Variants in AUTS2 observed in about 807,000 individuals in gnomAD.
AUTS2 encodes the protein autism susceptibility gene 2 protein.
In AUTS2, 17 loss-of-function variants were observed where a neutral mutation model predicts 112.4. The ratio of observed to expected loss-of-function variants is 0.15; its 90% CI spans 0.10 to 0.23. The LOEUF (loss-of-function observed/expected upper bound fraction) is 0.23, where lower values mean the gene tolerates loss of function less well. AUTS2 is among the 10% of genes least tolerant of loss of function. The probability of loss-of-function intolerance (pLI) is 1.00; values close to 1 mark genes in which losing one functional copy is unlikely to be tolerated. For synonymous variants in AUTS2, 751 were observed against 702.7 expected (o/e 1.07, Z -1.09); for missense variants, 1,510 against 1,701.6 (o/e 0.89, Z 1.98).
At chr7:70,135,201 A>C (rs1806487510) in intron 4 of AUTS2, among the ~76,000 whole-genome samples, 1 of 152,218 alleles carries the variant, frequency 6.6e-6, no homozygotes, top group African/African-American at 2.4e-5. Flanking sequence ...ATAATCATGA[A>C]TATAAAATTC....
intron 5 of AUTS2, among the ~76,000 whole-genome samples, chr7:70,592,279 C>T (rs528875123): frequency 1.3e-5 from 2 of 152,264 alleles, no homozygotes; most frequent in Admixed American, 6.5e-5. Context: ...GAGTTCGGAG[C>T]CAAACTGCCC....
intron 5 of AUTS2, among the ~76,000 whole-genome samples, chr7:70,472,997 G>A (rs1372418580): frequency 2.0e-5 from 3 of 152,190 alleles, no homozygotes; most frequent in Non-Finnish European, 4.4e-5. Context: ...AGGCTCTGTA[G>A]CTGTTAAGTT....
In AUTS2 at chr7:69,899,516, C is replaced by G. The variant is rs200298443; in HGVS notation, c.522+18C>G. Reference sequence around the variant, plus strand: ...TCAGACAGGTGAGGAAGCTTGGGTTCGCTCTTTCCTGTGGCGGCAAAATCC... The same window carrying G: ...TCAGACAGGTGAGGAAGCTTGGGTTGGCTCTTTCCTGTGGCGGCAAAATCC... On this transcript the variant is annotated intron_variant, in intron 2 of 18. Transcript: ENST00000342771. 1.2e-6 allele frequency: 2 copies of G among 1,612,636 alleles called. No individual in the cohort carries two copies. Among genetic ancestry groups the G allele is most frequent in the African/African-American group, 2.7e-5 (2 of 74,998 alleles).
chr7:70,782,042 GT>G (rs1791122950), intron 15 of AUTS2: 1 of 372,728 alleles, frequency 2.7e-6, no homozygotes, highest in South Asian at 4.1e-5. Flanking sequence ...TCACAAGCAT[GT>G]CAGTTGCTAT....
At chr7:70,164,242 T>C (rs922882737) in intron 4 of AUTS2, among the ~76,000 whole-genome samples, 1 of 152,234 alleles carries the variant, frequency 6.6e-6, no homozygotes, top group Non-Finnish European at 1.5e-5. Context: ...TTGTTATAAG[T>C]AGATGTAATT....
intron 5 of AUTS2, among the ~76,000 whole-genome samples, chr7:70,604,495 G>A (rs1317336687): frequency 2.0e-5 from 3 of 152,226 alleles, no homozygotes; most frequent in African/African-American, 2.4e-5. Context: ...TCAACATGCT[G>A]TTGAAAATGG....
At chr7:70,159,836 G>A (rs955006736) in intron 4 of AUTS2, among the ~76,000 whole-genome samples, 2 of 152,106 alleles carry the variant, frequency 1.3e-5, no homozygotes, top group African/African-American at 4.8e-5. Context: ...TCTATCTGAT[G>A]AGGACCTTAG....
intron 1 of AUTS2, among the ~76,000 whole-genome samples, chr7:69,691,779 C>T (rs1025563904): frequency 6.6e-6 from 1 of 152,154 alleles, no homozygotes; most frequent in Non-Finnish European, 1.5e-5. Flanking sequence ...CTGTGCCTCC[C>T]CTGCTGCAGC....
chr7:70,046,099 A>G (rs1801493344), intron 2 of AUTS2, among the ~76,000 whole-genome samples: 1 of 152,210 alleles, frequency 6.6e-6, no homozygotes, highest in African/African-American at 2.4e-5. Flanking sequence ...AGATGAAATT[A>G]TTGCCTCAAG....
chr7:69,793,041 CT>C (rs1447865178), intron 1 of AUTS2, among the ~76,000 whole-genome samples: 2 of 152,224 alleles, frequency 1.3e-5, no homozygotes, highest in East Asian at 3.9e-4. Flanking sequence ...TTCAGTATAT[CT>C]TTCACAAAAA....
chr7:69,796,492 C>T (rs1789846518), intron 1 of AUTS2, among the ~76,000 whole-genome samples: 1 of 150,360 alleles, frequency 6.7e-6, no homozygotes. Flanking sequence ...CACTTCACTC[C>T]AGCCTAGGCG....
chr7:69,907,572 A>G (rs981137826), intron 2 of AUTS2, among the ~76,000 whole-genome samples: 28 of 152,192 alleles, frequency 1.8e-4, no homozygotes, highest in Non-Finnish European at 2.9e-5. Context: ...ATTTGTTATT[A>G]TATTGCATTG....
At chr7:69,660,057 G>C (rs1795725051) in intron 1 of AUTS2, among the ~76,000 whole-genome samples, 1 of 152,230 alleles carries the variant, frequency 6.6e-6, no homozygotes, top group Non-Finnish European at 1.5e-5. Flanking sequence ...GCCGTTGGTA[G>C]TATGTGCCCC....
intron 4 of AUTS2, among the ~76,000 whole-genome samples, chr7:70,386,151 C>T (rs566829985): frequency 1.3e-5 from 2 of 152,312 alleles, no homozygotes; most frequent in South Asian, 2.1e-4. Context: ...GTAGTTCCCT[C>T]AGTCTTTCCA....
rs577544784 is a variant in AUTS2, at chr7:70,125,367, T to G, written c.624+7134T>G. ...AAGATAATTTTTCCCCCATTCTGAC[T>G]GAGTACTTTGCCTAATGCCTAACGT... On this transcript the variant is annotated intron_variant, in intron 3 of 18. Coordinates refer to ENST00000342771, the MANE Select transcript of AUTS2 (RefSeq NM_015570.4). 2.0e-5 allele frequency among the ~76,000 whole-genome samples: 3 copies of G among 152,216 alleles called. No individual in the cohort carries two copies. In the South Asian group the frequency reaches 6.2e-4, roughly 32 times the overall value.
chr7:70,135,805 T>A (rs995018317), intron 4 of AUTS2, among the ~76,000 whole-genome samples: 3 of 152,168 alleles, frequency 2.0e-5, no homozygotes, highest in African/African-American at 7.2e-5. Flanking sequence ...AGTATCCTGC[T>A]TCAGCAGTCG....
intron 2 of AUTS2, among the ~76,000 whole-genome samples, chr7:70,068,034 G>A (rs1290105006): frequency 6.6e-6 from 1 of 152,078 alleles, no homozygotes; most frequent in East Asian, 1.9e-4. Flanking sequence ...TTACTAAAAA[G>A]TGTAACATAT....
At chr7:70,122,466 T>G (rs928284045) in intron 3 of AUTS2, among the ~76,000 whole-genome samples, 17 of 152,168 alleles carry the variant, frequency 1.1e-4, no homozygotes, top group African/African-American at 4.1e-4. Context: ...CCATTTCTGG[T>G]CCTGTTTCTA....
chr7:70,655,506 AATGTCACTACCTC>A (rs1463970139), intron 5 of AUTS2, among the ~76,000 whole-genome samples: 1 of 152,192 alleles, frequency 6.6e-6, no homozygotes, highest in African/African-American at 2.4e-5. Context: ...CGCCAAGTAT[AATGTCACTACCTC>A]ATGTGGCACC....
Sources: gnomAD v4.1 joint callset for allele counts (sites outside exome capture counted in the v4.1 genomes callset) on GRCh38, gnomAD v4.1.1 for gene constraint, MANE v1.5 for transcripts, NCBI Gene and HGNC (gene_info 2026-07-23, HGNC 2026-07-21) for gene names.